SYN2: variants seen among roughly 807,000 people sequenced by gnomAD.
The protein encoded by SYN2 is synapsin II, also known as synapsin-2.
In SYN2, 19 loss-of-function variants were observed where a neutral mutation model predicts 50.9. That is an observed-to-expected ratio of 0.37 (90% CI 0.26 to 0.55). The LOEUF (loss-of-function observed/expected upper bound fraction) is 0.55, where lower values mean the gene tolerates loss of function less well. Among genes scored for constraint, SYN2 ranks in the 20% least tolerant of loss-of-function variants. The pLI, the probability that SYN2 is intolerant of heterozygous loss-of-function variation, is 0.81. For synonymous variants in SYN2, 255 were observed against 224.9 expected (o/e 1.13, Z -1.20); for missense variants, 587 against 576.4 (o/e 1.02, Z -0.19).
chr3:12,039,908 A>G (rs775090250), intron 1 of SYN2, among the ~76,000 whole-genome samples: 14 of 152,202 alleles, frequency 9.2e-5, no homozygotes, highest in Non-Finnish European at 2.1e-4. Flanking sequence ...AGTAGTTGAT[A>G]GTCTAGTATG....
intron 1 of SYN2, among the ~76,000 whole-genome samples, chr3:12,111,788 G>A (rs985772625): frequency 2.0e-5 from 3 of 152,212 alleles, no homozygotes; most frequent in South Asian, 2.1e-4. Flanking sequence ...CACTGCTTTG[G>A]GCCATTCATT....
At chr3:12,053,452 A>AAC (rs1348523079) in intron 1 of SYN2, among the ~76,000 whole-genome samples, 1 of 151,996 alleles carries the variant, frequency 6.6e-6, no homozygotes, top group East Asian at 1.9e-4. Context: ...AACAAAACAA[A>AAC]AAAATATATA....
At chr3:12,053,447 A>G (rs888320148) in intron 1 of SYN2, among the ~76,000 whole-genome samples, 1 of 148,796 alleles carries the variant, frequency 6.7e-6, no homozygotes, top group African/African-American at 2.6e-5. Flanking sequence ...AACAAAACAA[A>G]ACAAAAAAAT....
intron 1 of SYN2, among the ~76,000 whole-genome samples, chr3:12,099,595 A>C (rs1256725975): frequency 6.6e-5 from 10 of 152,186 alleles, no homozygotes; most frequent in Admixed American, 6.5e-4. Context: ...TTGAAAAAGA[A>C]GGAAGATTTG....
chr3:12,052,902 A>G (rs1694899888), intron 1 of SYN2, among the ~76,000 whole-genome samples: 1 of 152,176 alleles, frequency 6.6e-6, no homozygotes, highest in South Asian at 2.1e-4. Flanking sequence ...TTTGACCCAA[A>G]CATGCTACTT....
chr3:12,125,146 C>T (rs1696644181), intron 1 of SYN2, among the ~76,000 whole-genome samples: 1 of 152,128 alleles, frequency 6.6e-6, no homozygotes. Context: ...TCCCAAGTAG[C>T]TGGGATTACA....
chr3:12,157,385 CT>C, intron 5 of SYN2: 1 of 1,614,056 alleles, frequency 6.2e-7, no homozygotes, highest in Non-Finnish European at 8.5e-7. Context: ...CCCCATGTAC[CT>C]TTATCTGTTT....
At chr3:12,183,662 G>C (rs1698274440) in intron 11 of SYN2, 1 of 1,369,176 alleles carries the variant, frequency 7.3e-7, no homozygotes, top group Non-Finnish European at 9.4e-7. Flanking sequence ...TGTATAACTT[G>C]TGATTCCAGG....
chr3:12,132,791 G>T (rs543006634), intron 1 of SYN2, among the ~76,000 whole-genome samples: 50 of 152,278 alleles, frequency 3.3e-4, no homozygotes, highest in African/African-American at 1.1e-3. Flanking sequence ...GCTTTCTAGT[G>T]ATAACTAACA....
chr3:12,156,744 C>A, intron 5 of SYN2: 1 of 1,211,078 alleles, frequency 8.3e-7, no homozygotes, highest in Non-Finnish European at 1.2e-6. Flanking sequence ...CCAAGGAAGA[C>A]CCTGGCTCCT....
chr3:12,178,274 A>C (rs976351476), intron 10 of SYN2, among the ~76,000 whole-genome samples: 1 of 152,170 alleles, frequency 6.6e-6, no homozygotes, highest in Non-Finnish European at 1.5e-5. Context: ...CTGAGCAAGC[A>C]CAGGCCTTCC....
At chr3:12,102,598 TC>T (rs761987687) in intron 1 of SYN2, among the ~76,000 whole-genome samples, 4 of 152,160 alleles carry the variant, frequency 2.6e-5, no homozygotes, top group Non-Finnish European at 5.9e-5. Flanking sequence ...ATTTTTAGCC[TC>T]CCTTTCTTTT....
rs74987533 is a variant in SYN2 at position 12,139,360 on chromosome 3, A to C, written c.378-1291A>C. On this transcript the variant is annotated intron_variant, in intron 1 of 12. Coordinates refer to ENST00000621198, the MANE Select transcript of SYN2 (RefSeq NM_133625.6). ...AAAATGGGAATAAATGCAATGCGGC[A>C]CACACAGGGCAAGTCCGTTTTTGTA... 4.7e-3 allele frequency among the ~76,000 whole-genome samples: 722 copies of C among 152,252 alleles called. 3 individuals are homozygous for C. The highest frequency in any genetic ancestry group is 0.017 in the African/African-American group (686 of 41,548).
intron 10 of SYN2, among the ~76,000 whole-genome samples, chr3:12,170,609 A>G (rs971682200): frequency 1.3e-5 from 2 of 152,004 alleles, no homozygotes; most frequent in African/African-American, 4.8e-5. Context: ...TTTCAAAAGT[A>G]TCCCCAAAGT....
At chr3:12,166,322 A>T (rs528541318) in intron 7 of SYN2, among the ~76,000 whole-genome samples, 2 of 152,236 alleles carry the variant, frequency 1.3e-5, no homozygotes, top group South Asian at 4.1e-4. Context: ...ATGAAGGCTG[A>T]TAATTAAAAA....
In SYN2 at chr3:12,165,507, G is replaced by A. The variant is rs578155098; in HGVS notation, c.981-1727G>A. On this transcript the variant is annotated intron_variant, in intron 7 of 12. Coordinates refer to ENST00000621198, the MANE Select transcript of SYN2 (RefSeq NM_133625.6). ...TTCACATTGTATATGCATCAGGGCA[G>A]TAGGAATATCCTGATAAACCAAGGA... 4 of 152,342 alleles carry A rather than the reference G, an allele frequency of 2.6e-5. No homozygotes were observed. In the East Asian group the frequency reaches 7.7e-4, roughly 29 times the overall value. The allele number at this position is 152,342 out of a possible 1,614,324, so 9.4% of individuals were successfully genotyped here.
chr3:12,004,751 CGCCCGCGCCGCA>C lies in SYN2; in HGVS notation c.211_222del (p.Gln71_Pro74del), dbSNP rs1333519826. The C allele has an allele frequency of 1.2e-4, 37 of 306,650 alleles. No individual in the cohort carries two copies. In the South Asian group the frequency reaches 1.3e-3, roughly 10 times the overall value. The allele number at this position is 306,650 out of a possible 1,614,324, so 19.0% of individuals were successfully genotyped here. On this transcript the variant is annotated inframe_deletion, in exon 1 of 13. Transcript: ENST00000621198. ...GAGCGGAGGCCGCCGCCCGCCTCGG[CGCCCGCGCCGCA>C]GCCCGCGCCGACGCCGTCGGTGGGC...
In SYN2 at chr3:12,054,093, A is replaced by G. The variant is rs567285296; in HGVS notation, c.377+49165A>G. 7.2e-5 allele frequency among the ~76,000 whole-genome samples: 11 copies of G among 152,314 alleles called. No individual in the cohort carries two copies. In the South Asian group the frequency reaches 2.3e-3, roughly 32 times the overall value. On this transcript the variant is annotated intron_variant, in intron 1 of 12. Transcript: ENST00000621198. ...TTATCACACTTGCCGCTGCTTTACA[A>G]CAGGCAGTGAAGAGATAACAACTGG...
intron 1 of SYN2, among the ~76,000 whole-genome samples, chr3:12,016,092 A>G (rs143370612): frequency 6.6e-6 from 1 of 152,320 alleles, no homozygotes; most frequent in Non-Finnish European, 1.5e-5. Flanking sequence ...TTATATTTCT[A>G]GATTCCAGTG....
Sources: gnomAD v4.1 joint callset for allele counts (sites outside exome capture counted in the v4.1 genomes callset) on GRCh38, gnomAD v4.1.1 for gene constraint, MANE v1.5 for transcripts, NCBI Gene and HGNC (gene_info 2026-07-23, HGNC 2026-07-21) for gene names.